Variants in USP26 observed in about 807,000 individuals in gnomAD.
USP26 encodes ubiquitin carboxyl-terminal hydrolase 26.
For synonymous variants in USP26, 236 were observed against 240.6 expected (o/e 0.98, Z 0.18); for missense variants, 649 against 642.3 (o/e 1.01, Z -0.11).
At chrX:133,093,581 C>T (rs986728549) in intron 1 of USP26, among the ~76,000 whole-genome samples, 1 of 107,479 alleles carries the variant, frequency 9.3e-6, no homozygotes, top group Non-Finnish European at 1.9e-5. Context: ...CAGTGAACCA[C>T]GATGGCACCA....
chrX:133,058,678 C>T (rs1234052112), intron 5 of USP26, among the ~76,000 whole-genome samples: 1 of 111,767 alleles, frequency 8.9e-6, no homozygotes, highest in Non-Finnish European at 1.9e-5. Context: ...TATTTGGGGC[C>T]TTAGTTTTTC....
In USP26 at chrX:133,026,285, G is replaced by A. The variant is rs745755902; in HGVS notation, c.1936C>T (p.Arg646Ter). 5.8e-6 allele frequency: 7 copies of A among 1,207,950 alleles called. No homozygotes were observed. In the Admixed American group the frequency reaches 8.8e-5, roughly 15 times the overall value. The change falls in exon 6 of 6, where the codon CGA (arginine) becomes TGA (stop). Residue 646 changes from arginine to a stop codon, truncating the protein, a stop_gained. Coordinates refer to ENST00000511190, the MANE Select transcript of USP26 (RefSeq NM_031907.3). LOFTEE classifies it low-confidence loss of function (END_TRUNC). ...NELESVYSGDRAFIEKEPLAH... is the reference protein window; with the variant it reads ...NELESVYSGD ...AACGGTTCTTTTTCAATGAATGCTC[G>A]ATCTCCTGAGTATACAGATTCTAGC...
intron 5 of USP26, among the ~76,000 whole-genome samples, chrX:133,066,487 C>T (rs1475754781): frequency 5.4e-5 from 6 of 111,602 alleles, no homozygotes; most frequent in Admixed American, 9.6e-5. Context: ...TACAAGGCTA[C>T]AGTAACCCAA....
Position 133,026,366 on chromosome X carries a change from C to T in USP26, c.1855G>A (p.Gly619Arg), listed in dbSNP as rs770870811. The T allele has an allele frequency of 1.7e-6, 2 of 1,202,010 alleles. No individual in the cohort carries two copies. The highest frequency in any genetic ancestry group is 4.5e-5 in the Admixed American group (2 of 44,537). ...TTTTGCTGCTGTCTTCTGCTTGCCC[C>T]TTTAAAGACTGTCTGGCCTTTTTTT... The part of the protein sequence containing the change: ...EQKKGQTVFK[G>R]ASRRQQQKYL... The change falls in exon 6 of 6, where the codon GGG (glycine) becomes AGG (arginine). Residue 619 changes from glycine to arginine, a missense_variant. By Grantham distance (125) the Gly-to-Arg change is moderately radical. Transcript: ENST00000511190.
Position 133,026,710 on chromosome X carries a change from G to T in USP26, c.1511C>A (p.Ser504Tyr). 8.3e-7 allele frequency: 1 copy of T among 1,210,306 alleles called. No homozygotes were observed. ...YKCAKCEHKT[S>Y]VGVHSFSRLP... ...CCTACTGAATGAGTGCACTCCAACG[G>T]AAGTCTTGTGCTCACATTTTGCACA... is the stretch of plus-strand genomic sequence containing the variant. Residue 504 changes from serine (S) to tyrosine (Y), a missense_variant, in exon 6 of 6, where the codon TCC becomes TAC. Physicochemically the swap from Ser to Tyr is moderately radical, Grantham distance 144. Transcript: ENST00000511190.
chrX:133,063,312 A>T (rs1212413947), intron 5 of USP26, among the ~76,000 whole-genome samples: 2 of 111,591 alleles, frequency 1.8e-5, no homozygotes, highest in Non-Finnish European at 3.8e-5. Context: ...ACTTCAGGAT[A>T]TTATCACGGA....
chrX:133,093,082 C>T (rs2067613326), intron 1 of USP26, among the ~76,000 whole-genome samples: 1 of 110,182 alleles, frequency 9.1e-6, no homozygotes, highest in Non-Finnish European at 1.9e-5. Context: ...CATGGCAAAA[C>T]CCCATCTCTC....
In USP26 at chrX:133,066,438, A is replaced by G. The variant is rs149862126; in HGVS notation, c.-77+17269T>C. 4.1e-3 allele frequency among the ~76,000 whole-genome samples: 462 copies of G among 111,996 alleles called. 1 individual carries two copies. Among genetic ancestry groups the G allele is most frequent in the African/African-American group, 0.015 (451 of 30,861 alleles). On this transcript the variant is annotated intron_variant, in intron 5 of 5. Transcript: ENST00000511190. Reference sequence around the variant, plus strand: ...CAAGAGAATCCTAAGCAAAAAGAACAAAGCTGGAGGCACCATGCTACCTGG... The same window carrying G: ...CAAGAGAATCCTAAGCAAAAAGAACGAAGCTGGAGGCACCATGCTACCTGG...
chrX:133,071,436 C>A (rs1411575090), intron 5 of USP26, among the ~76,000 whole-genome samples: 1 of 109,907 alleles, frequency 9.1e-6, no homozygotes, highest in Non-Finnish European at 1.9e-5. Flanking sequence ...GTGTGAAATA[C>A]CACTCATAGC....
intron 5 of USP26, among the ~76,000 whole-genome samples, chrX:133,062,800 T>C (rs908100814): frequency 2.7e-5 from 3 of 110,604 alleles, no homozygotes; most frequent in Non-Finnish European, 5.7e-5. Flanking sequence ...TATTGATAAT[T>C]CCAAAAACCA....
rs946282469 is a variant in USP26, at chrX:133,092,613, G to A, written c.-392-1170C>T. Among the ~76,000 whole-genome samples the A allele has an allele frequency of 7.2e-5, 8 of 111,837 alleles. No individual in the cohort carries two copies. The Admixed American group carries it at 7.6e-4, about 11-fold the overall frequency. ...ATTGGCTTTTGTGGGTATGCTCTTT[G>A]GAAAATATCCCCTCTAGGATTCTAT... On this transcript the variant is annotated intron_variant, in intron 1 of 5. Coordinates refer to ENST00000511190, the MANE Select transcript of USP26 (RefSeq NM_031907.3).
At chrX:133,047,470 T>A (rs2067444605) in intron 5 of USP26, among the ~76,000 whole-genome samples, 2 of 112,567 alleles carry the variant, frequency 1.8e-5, no homozygotes, top group Admixed American at 9.4e-5. Context: ...AACATGAGTC[T>A]ACTGTTGCAC....
chrX:133,093,911 G>A (rs761287938), intron 1 of USP26, among the ~76,000 whole-genome samples: 10 of 101,944 alleles, frequency 9.8e-5, no homozygotes, highest in African/African-American at 3.2e-4. Context: ...AGCCCAGGAG[G>A]TCGAGGCTGT....
chrX:133,026,869 C>A lies in USP26; in HGVS notation c.1352G>T (p.Cys451Phe). ...ELLHSIACKACGQVILKTELN... is the reference protein window; with the variant it reads ...ELLHSIACKAFGQVILKTELN... ...TTCTGTCTTGAGAATAACCTGACCA[C>A]AAGCTTTACAAGCAATGGAGTGCAA... Residue 451 changes from cysteine (C) to phenylalanine (F), a missense_variant, in exon 6 of 6, where the codon TGT becomes TTT. Coordinates refer to ENST00000511190, the MANE Select transcript of USP26 (RefSeq NM_031907.3). 3.3e-6 allele frequency: 4 copies of A among 1,210,942 alleles called. No homozygotes were observed. The highest frequency in any genetic ancestry group is 4.5e-6 in the Non-Finnish European group (4 of 895,138).
At position 133,025,456 on chromosome X, in the gene USP26, G is replaced by A; in HGVS notation, c.*23C>T. ...TCGAGTGAGACAGTCAGGCAGATCTGTACAAGGAGGAGTACGTTCCTCTTA... is the reference window on the plus strand; with the variant it reads ...TCGAGTGAGACAGTCAGGCAGATCTATACAAGGAGGAGTACGTTCCTCTTA... On this transcript the variant is annotated 3_prime_UTR_variant, in exon 6 of 6. Transcript: ENST00000511190. The A allele has an allele frequency of 8.3e-7, 1 of 1,210,202 alleles. No individual in the cohort carries two copies. Among genetic ancestry groups the A allele is most frequent in the Non-Finnish European group, 1.1e-6 (1 of 895,166 alleles).
chrX:133,076,748 C>G (rs193146466), intron 5 of USP26, among the ~76,000 whole-genome samples: 1 of 111,705 alleles, frequency 9.0e-6, no homozygotes, highest in African/African-American at 3.3e-5. Context: ...GGATCTGAGG[C>G]CTGCCAATAG....
intron 5 of USP26, among the ~76,000 whole-genome samples, chrX:133,034,347 C>T (rs1292217203): frequency 1.8e-5 from 2 of 111,271 alleles, no homozygotes; most frequent in Non-Finnish European, 3.8e-5. Flanking sequence ...AAAATAAGGG[C>T]TGACGGGTCA....
rs768451706 is a variant in USP26 at position 133,026,713 on chromosome X, G to C, written c.1508C>G (p.Thr503Ser). ...ACTGAATGAGTGCACTCCAACGGAA[G>C]TCTTGTGCTCACATTTTGCACATTT... is the stretch of plus-strand genomic sequence containing the variant. ...EYKCAKCEHK[T>S]SVGVHSFSRL... Residue 503 changes from threonine to serine, a missense_variant, in exon 6 of 6, where the codon ACT (threonine) becomes AGT (serine). Transcript: ENST00000511190. 6.6e-6 allele frequency: 8 copies of C among 1,208,122 alleles called. No individual in the cohort carries two copies. In the Admixed American group the frequency reaches 1.8e-4, roughly 27 times the overall value.
chrX:133,025,049 T>C lies in USP26; in HGVS notation c.*430A>G, dbSNP rs79583849. 1 of 98,624 alleles carries C rather than the reference T, an allele frequency of 1.0e-5. No homozygotes were observed. The highest frequency in any genetic ancestry group is 5.0e-5 in the African/African-American group (1 of 20,009). 8.1% of individuals were successfully genotyped at this position (98,624 alleles called of 1,213,427 possible). On this transcript the variant is annotated 3_prime_UTR_variant, in exon 6 of 6. Coordinates refer to ENST00000511190, the MANE Select transcript of USP26 (RefSeq NM_031907.3). Reference sequence around the variant, plus strand: ...CAAAAAGCAAAAAAAAAAAAAAAAATAGCTAGGCCTGGTGGCACACATCTA... The same window carrying C: ...CAAAAAGCAAAAAAAAAAAAAAAAACAGCTAGGCCTGGTGGCACACATCTA...
Sources: gnomAD v4.1 joint callset for allele counts (sites outside exome capture counted in the v4.1 genomes callset) on GRCh38, gnomAD v4.1.1 for gene constraint, MANE v1.5 for transcripts, NCBI Gene and HGNC (gene_info 2026-07-23, HGNC 2026-07-21) for gene names.